TUBGCP3: variants seen among roughly 807,000 people sequenced by gnomAD.
The protein encoded by TUBGCP3 is tubulin gamma complex component 3.
TUBGCP3 carries 50 observed loss-of-function variants against 123.1 expected under a neutral mutation model. The observed-to-expected ratio is 0.41, with a 90% CI of 0.32 to 0.51. TUBGCP3 has a LOEUF of 0.51. Among genes scored for constraint, TUBGCP3 ranks in the 20% least tolerant of loss-of-function variants. The pLI, the probability that TUBGCP3 is intolerant of heterozygous loss-of-function variation, is 0.36. For synonymous variants in TUBGCP3, 405 were observed against 413.9 expected, an observed-to-expected ratio of 0.98 and a Z score of 0.26; for missense variants, 882 against 1,127.0, an observed-to-expected ratio of 0.78 and a Z score of 3.11.
intron 11 of TUBGCP3, among the ~76,000 whole-genome samples, chr13:112,534,275 G>C (rs974202499): frequency 6.6e-6 from 1 of 152,160 alleles, no homozygotes; most frequent in Non-Finnish European, 1.5e-5. Context: ...GGCCGGGCGC[G>C]GCGGCTCACG....
chr13:112,490,391 G>T (rs1038933706), intron 20 of TUBGCP3, among the ~76,000 whole-genome samples: 9 of 152,174 alleles, frequency 5.9e-5, no homozygotes, highest in African/African-American at 1.7e-4. Flanking sequence ...AGGTAGCCGG[G>T]ATTACAGGCA....
At chr13:112,584,496 T>G (rs549815934) in intron 1 of TUBGCP3, among the ~76,000 whole-genome samples, 12 of 152,324 alleles carry the variant, frequency 7.9e-5, no homozygotes, top group African/African-American at 2.6e-4. Flanking sequence ...TATTTGGAAC[T>G]TCATCAAAAG....
At chr13:112,513,098 G>A (rs541762804) in intron 17 of TUBGCP3, among the ~76,000 whole-genome samples, 1 of 152,260 alleles carries the variant, frequency 6.6e-6, no homozygotes, top group Admixed American at 6.5e-5. Context: ...GAAGCTGAGG[G>A]AGAAAGAAAA....
Position 112,504,665 on chromosome 13 carries a change from G to A in TUBGCP3, c.2136C>T (p.Val712=). 6.2e-7 allele frequency: 1 copy of A among 1,613,780 alleles called. No individual in the cohort carries two copies. Among genetic ancestry groups the A allele is most frequent in the Non-Finnish European group, 8.5e-7 (1 of 1,179,954 alleles). ...HQCHILASEM[V]HFIHQMQYYI... ...AATACTGCATCTGATGAATGAAATGGACCATCTCAGAGGCCAAAATGTGAC... is the reference window on the plus strand; with the variant it reads ...AATACTGCATCTGATGAATGAAATGAACCATCTCAGAGGCCAAAATGTGAC... Residue 712 remains valine, a synonymous_variant, in exon 18 of 22, where the codon GTC becomes GTT. Coordinates refer to ENST00000261965, the MANE Select transcript of TUBGCP3 (RefSeq NM_006322.6).
At chr13:112,603,944 T>G in the TUBGCP3 span, 1 of 152,200 alleles carries the variant, frequency 6.6e-6, no homozygotes, top group Non-Finnish European at 1.5e-5. Flanking sequence ...CATCCCAAAT[T>G]GGTGCTCTTA....
At chr13:112,522,850 G>A (rs1169226587) in intron 13 of TUBGCP3, among the ~76,000 whole-genome samples, 2 of 152,296 alleles carry the variant, frequency 1.3e-5, no homozygotes, top group African/African-American at 2.4e-5. Flanking sequence ...ATACCCATAA[G>A]ATGTTTCCAT....
intron 20 of TUBGCP3, 196 bp from the exon 21 acceptor site, chr13:112,489,893 A>G (rs1331649856): frequency 1.7e-6 from 1 of 579,120 alleles, no homozygotes; most frequent in East Asian, 2.8e-5. Context: ...ATGTGTGTTG[A>G]AAATATTTCA....
chr13:112,518,825 T>G, intron 16 of TUBGCP3, 150 bp downstream of exon 16: 1 of 638,710 alleles, frequency 1.6e-6, no homozygotes, highest in South Asian at 2.0e-5. Context: ...CACACACAAT[T>G]TTGGCTTAAG....
rs1373116390 is a variant in TUBGCP3, at chr13:112,548,948, C to T, written c.967-772G>A. On this transcript the variant is annotated intron_variant, in intron 8 of 21. Transcript: ENST00000261965. ...GTGGCGATTCCTCAAGGATCTAGAG[C>T]TAGAAATACCATTTGACCCAGCCAT... is the stretch of plus-strand genomic sequence containing the variant. Among the ~76,000 whole-genome samples the T allele has an allele frequency of 3.3e-5, 5 of 152,252 alleles. No homozygotes were observed. In the East Asian group the frequency reaches 9.7e-4, roughly 29 times the overall value.
In TUBGCP3 at chr13:112,508,949, G is replaced by A. The variant is rs1296770398; in HGVS notation, c.2087-4235C>T. Among the ~76,000 whole-genome samples, 1 of 152,136 alleles carries A rather than the reference G, an allele frequency of 6.6e-6. No individual in the cohort carries two copies. Among genetic ancestry groups the A allele is most frequent in the Non-Finnish European group, 1.5e-5 (1 of 68,034 alleles). The stretch of plus-strand genomic sequence containing the variant: ...CATAAAGGCCAACGTCACCGCACAC[G>A]GATTATTACAACTGGCTGCCCTGCT... On this transcript the variant is annotated intron_variant, in intron 17 of 21. Coordinates refer to ENST00000261965, the MANE Select transcript of TUBGCP3 (RefSeq NM_006322.6). This position sits in a 1 kb window ranked among gnomAD's most constrained non-coding sequence, Gnocchi z 4.2.
At chr13:112,527,099 C>T (rs767608871) in intron 12 of TUBGCP3, 49 bp from the exon 13 acceptor site, 1 of 1,457,268 alleles carries the variant, frequency 6.9e-7, no homozygotes, top group South Asian at 1.2e-5. Context: ...TTTAAAACGA[C>T]TGCCCAAATC....
chr13:112,526,361 A>G (rs941752673), intron 13 of TUBGCP3, among the ~76,000 whole-genome samples: 1 of 141,298 alleles, frequency 7.1e-6, no homozygotes, highest in African/African-American at 2.7e-5. Context: ...CATCATCACT[A>G]TCATCACACC....
At position 112,519,005 on chromosome 13, in the gene TUBGCP3, G is replaced by A. The variant is rs143754229; in HGVS notation, c.1920C>T (p.Leu640=). 374 of 1,613,880 alleles carry A rather than the reference G, an allele frequency of 2.3e-4. No individual in the cohort carries two copies. The highest frequency in any genetic ancestry group is 3.0e-4 in the Non-Finnish European group (358 of 1,179,902). ...CAATTGGTCCGTCAACATGATAATC[G>A]AGGCTGAAGACATCCCATCCAGTGT... ...PGDTGWDVFS[L]DYHVDGPIAT... is the part of the protein sequence containing the mutation. Residue 640 remains leucine, a synonymous_variant, in exon 16 of 22, where the codon CTC becomes CTT. Coordinates refer to ENST00000261965, the MANE Select transcript of TUBGCP3 (RefSeq NM_006322.6). This position sits in a 1 kb window ranked among gnomAD's most constrained non-coding sequence, Gnocchi z 6.2.
chr13:112,532,130 G>A (rs1293732308), intron 11 of TUBGCP3, among the ~76,000 whole-genome samples: 1 of 152,044 alleles, frequency 6.6e-6, no homozygotes, highest in African/African-American at 2.4e-5. Flanking sequence ...TTTCTCCTAA[G>A]GCCACACTTA....
At chr13:112,547,902 C>T (rs1440916447) in intron 9 of TUBGCP3, 150 bp from the exon 10 acceptor site, 2 of 1,107,974 alleles carry the variant, frequency 1.8e-6, no homozygotes, top group Non-Finnish European at 2.4e-6. Flanking sequence ...TTTAAAGCTA[C>T]CTTTAACCGG....
rs1459276201 is a variant in TUBGCP3 at position 112,519,107 on chromosome 13, G to A, written c.1882-64C>T. On this transcript the variant is annotated intron_variant, in intron 15 of 21. Transcript: ENST00000261965. The surrounding 1 kb of genome is among the most constrained non-coding windows in gnomAD (Gnocchi z 6.2). The stretch of plus-strand genomic sequence containing the variant: ...GCTTCTTGCTGAAGAACTTGTTAAC[G>A]CAAAGAAAAAGCAGTAAAATAATGC... 31 of 1,366,148 alleles carry A rather than the reference G, an allele frequency of 2.3e-5. No homozygotes were observed. The highest frequency in any genetic ancestry group is 1.6e-4 in the East Asian group (7 of 43,590). 84.6% of individuals were successfully genotyped at this position (1,366,148 alleles called of 1,614,324 possible). A position where few individuals can be genotyped will look rare whatever the true frequency, so the allele number is the denominator to read the frequency against.
At chr13:112,585,062 AAAAGAT>A (rs1882513860) in intron 1 of TUBGCP3, among the ~76,000 whole-genome samples, 3 of 152,352 alleles carry the variant, frequency 2.0e-5, no homozygotes, top group Admixed American at 2.0e-4. Flanking sequence ...ATAATTTTTT[AAAAGAT>A]ACCTTATAAA....
At chr13:112,516,363 T>A (rs1038269925) in intron 17 of TUBGCP3, 77 bp downstream of exon 17, 1 of 1,407,736 alleles carries the variant, frequency 7.1e-7, no homozygotes, top group African/African-American at 1.5e-5. Flanking sequence ...TTCTGCGGAG[T>A]TGCTGGAAAC....
intron 18 of TUBGCP3, 137 bp downstream of exon 18, chr13:112,504,485 CAAAA>C (rs34264269): frequency 1.3e-3 from 463 of 357,566 alleles, no homozygotes; most frequent in South Asian, 2.8e-3. Flanking sequence ...GACTCCATCT[CAAAA>C]AAAAAAAAAA....
Sources: gnomAD v4.1 joint callset for allele counts (sites outside exome capture counted in the v4.1 genomes callset) on GRCh38, gnomAD v4.1.1 for gene constraint, Gnocchi (gnomAD v3.1) non-coding constraint, MANE v1.5 for transcripts, NCBI Gene and HGNC (gene_info 2026-07-23, HGNC 2026-07-21) for gene names.